The following SSBP2 variants were observed in gnomAD, a reference collection of about 807,000 sequenced individuals.
The protein encoded by SSBP2 is single-stranded DNA-binding protein 2.
SSBP2 carries 17 observed loss-of-function variants against 61.8 expected under a neutral mutation model. The observed-to-expected ratio is 0.28, with a 90% CI of 0.19 to 0.41. The LOEUF is 0.41. Among genes scored for constraint, SSBP2 ranks in the 10% least tolerant of loss-of-function variants. The pLI, the probability that SSBP2 is intolerant of heterozygous loss-of-function variation, is 1.00. For synonymous variants in SSBP2, 139 were observed against 141.3 expected, an observed-to-expected ratio of 0.98 and a Z score of 0.12; for missense variants, 310 against 458.7, an observed-to-expected ratio of 0.68 and a Z score of 2.96.
At position 81,446,919 on chromosome 5, in the gene SSBP2, G is replaced by C. The variant is rs776780059; in HGVS notation, c.727C>G (p.Pro243Ala). 6.3e-7 allele frequency: 1 copy of C among 1,597,992 alleles called. No homozygotes were observed. Among genetic ancestry groups the C allele is most frequent in the Non-Finnish European group, 8.5e-7 (1 of 1,173,138 alleles). The change falls in exon 12 of 17, where the codon CCT becomes GCT. Residue 243 changes from proline to alanine, a missense_variant. By Grantham distance (27) the Pro-to-Ala change is conservative. This residue lies in a region of SSBP2 where 209 missense variants were observed against 286.4 expected (regional missense o/e 0.73). Transcript: ENST00000320672. Reference sequence around the variant, plus strand: ...CCTGGTGGCCCTCCACCTCCTGGAGGACCCTAAATAATTATACAAAATTTC... The same window carrying C: ...CCTGGTGGCCCTCCACCTCCTGGAGCACCCTAAATAATTATACAAAATTTC...
At chr5:81,479,379 C>T (rs1765816316) in intron 6 of SSBP2, among the ~76,000 whole-genome samples, 1 of 152,120 alleles carries the variant, frequency 6.6e-6, no homozygotes, top group Admixed American at 6.5e-5. Context: ...CAACCTACAC[C>T]TTCCAGGTTC....
intron 1 of SSBP2, among the ~76,000 whole-genome samples, chr5:81,708,721 G>A (rs558903731): frequency 2.0e-5 from 3 of 151,882 alleles, no homozygotes; most frequent in Non-Finnish European, 2.9e-5. Context: ...GTATGTATGG[G>A]CAATGTGTCC....
chr5:81,622,799 A>T (rs1044382015), intron 3 of SSBP2, among the ~76,000 whole-genome samples: 2 of 152,184 alleles, frequency 1.3e-5, no homozygotes, highest in African/African-American at 4.8e-5. Context: ...CTCAGCTAGG[A>T]GAAAACATTC....
At chr5:81,548,901 G>A (rs994975687) in intron 4 of SSBP2, among the ~76,000 whole-genome samples, 2 of 152,066 alleles carry the variant, frequency 1.3e-5, no homozygotes, top group Non-Finnish European at 2.9e-5. Flanking sequence ...CAGCCTGGGC[G>A]ACAGAGCGAG....
chr5:81,696,741 TG>T (rs1310414703), intron 1 of SSBP2, among the ~76,000 whole-genome samples: 2 of 152,152 alleles, frequency 1.3e-5, no homozygotes, highest in Non-Finnish European at 2.9e-5. Flanking sequence ...ATTTACACAC[TG>T]GGTGGGCAGA....
chr5:81,605,797 C>A (rs1744826575), intron 4 of SSBP2, among the ~76,000 whole-genome samples: 1 of 152,132 alleles, frequency 6.6e-6, no homozygotes, highest in Non-Finnish European at 1.5e-5. Context: ...ATAGTACTCA[C>A]TATAGACGCA....
chr5:81,474,540 C>T lies in SSBP2; in HGVS notation c.455G>A (p.Ser152Asn). Residue 152 changes from serine (S) to asparagine (N), a missense_variant, in exon 7 of 17, where the codon AGT (serine) becomes AAT (asparagine). Ser to Asn is a conservative substitution (Grantham distance 46, BLOSUM62 1). Coordinates refer to ENST00000320672, the MANE Select transcript of SSBP2 (RefSeq NM_012446.5). ...CATTCCACTGGGGAGTAATGGCTGA[C>T]TTCCTGGGACACCTCCAAGTGCCTA... 6.2e-7 allele frequency: 1 copy of T among 1,611,484 alleles called. No individual in the cohort carries two copies. The highest frequency in any genetic ancestry group is 1.1e-5 in the South Asian group (1 of 90,882).
At chr5:81,678,780 A>T (rs898799082) in intron 1 of SSBP2, among the ~76,000 whole-genome samples, 2 of 152,144 alleles carry the variant, frequency 1.3e-5, no homozygotes, top group Admixed American at 1.3e-4. Context: ...AGAGGAAAAA[A>T]AATAAAAGAA....
chr5:81,613,721 C>T (rs1264017117), intron 4 of SSBP2, among the ~76,000 whole-genome samples: 2 of 152,100 alleles, frequency 1.3e-5, no homozygotes, highest in Non-Finnish European at 2.9e-5. Flanking sequence ...CAATATCTCC[C>T]GTGACTGACA....
chr5:81,649,783 TA>T (rs904764387), intron 2 of SSBP2, among the ~76,000 whole-genome samples: 137 of 141,636 alleles, frequency 9.7e-4, no homozygotes, highest in Non-Finnish European at 1.3e-3. Context: ...AAGTTGAAAT[TA>T]AAAAAAAAAA....
chr5:81,579,220 A>G (rs975191980), intron 4 of SSBP2, among the ~76,000 whole-genome samples: 1 of 152,100 alleles, frequency 6.6e-6, no homozygotes, highest in Non-Finnish European at 1.5e-5. Flanking sequence ...CACATGGAGA[A>G]AACAAGTTTC....
At chr5:81,636,134 C>A (rs1271802571) in intron 3 of SSBP2, among the ~76,000 whole-genome samples, 1 of 152,088 alleles carries the variant, frequency 6.6e-6, no homozygotes, top group Non-Finnish European at 1.5e-5. Context: ...CTTGCTCTCC[C>A]CAATATGTAA....
In SSBP2 at chr5:81,487,621, T is replaced by A. The variant is rs913581603; in HGVS notation, c.432+1629A>T. ...TTTAATATTATTAAACTTTATTTTT[T>A]AAAAAATATTTCATTAACAAAGATT... On this transcript the variant is annotated intron_variant, in intron 6 of 16. Transcript: ENST00000320672. 9.2e-5 allele frequency among the ~76,000 whole-genome samples: 14 copies of A among 152,136 alleles called. No individual in the cohort carries two copies. In the South Asian group the frequency reaches 1.5e-3, roughly 16 times the overall value.
chr5:81,498,227 G>A (rs919366282), intron 5 of SSBP2, among the ~76,000 whole-genome samples: 2 of 151,912 alleles, frequency 1.3e-5, no homozygotes, highest in East Asian at 1.9e-4. Flanking sequence ...GTAAGAAAAT[G>A]GTTATTTGCC....
chr5:81,501,202 C>T (rs553330703), intron 5 of SSBP2, among the ~76,000 whole-genome samples: 7 of 104,362 alleles, frequency 6.7e-5, no homozygotes, highest in Non-Finnish European at 1.4e-4. Flanking sequence ...CAGAGGGAGA[C>T]TCCATCTCAA....
At chr5:81,631,215 C>A (rs1747678414) in intron 3 of SSBP2, among the ~76,000 whole-genome samples, 1 of 152,190 alleles carries the variant, frequency 6.6e-6, no homozygotes. Context: ...AACCAAAAGA[C>A]CGCACCTGTT....
At chr5:81,474,181 A>C (rs893234569) in intron 7 of SSBP2, among the ~76,000 whole-genome samples, 1 of 152,182 alleles carries the variant, frequency 6.6e-6, no homozygotes, top group African/African-American at 2.4e-5. Flanking sequence ...TATCTGAAAA[A>C]GGCAAAAGAA....
intron 15 of SSBP2, among the ~76,000 whole-genome samples, chr5:81,432,152 A>G (rs1182763559): frequency 6.6e-6 from 1 of 152,146 alleles, no homozygotes; most frequent in Non-Finnish European, 1.5e-5. Context: ...CTCAAAGAAC[A>G]AACTGTCAGT....
At chr5:81,434,633 C>CAAAAAAAAAAAAAAAAAAAAAA (rs34269591) in intron 15 of SSBP2, among the ~76,000 whole-genome samples, 2 of 43,022 alleles carry the variant, frequency 4.6e-5, no homozygotes, top group Non-Finnish European at 8.2e-5. Flanking sequence ...ACTCTTGACT[C>CAAAAAAAAAAAAAAAAAAAAAA]AAAAAAAAAA....
Sources: gnomAD v4.1 joint callset for allele counts (sites outside exome capture counted in the v4.1 genomes callset) on GRCh38, gnomAD v4.1.1 for gene constraint, gnomAD v4.1.1 regional missense constraint, MANE v1.5 for transcripts, NCBI Gene and HGNC (gene_info 2026-07-23, HGNC 2026-07-21) for gene names.